ENPP1: variants seen among roughly 807,000 people sequenced by gnomAD.
The protein encoded by ENPP1 is ectonucleotide pyrophosphatase/phosphodiesterase family member 1.
Under a neutral mutation model 122.8 loss-of-function variants are expected in ENPP1, and 73 were observed. The observed-to-expected ratio is 0.59, with a 90% confidence interval of 0.49 to 0.72. The LOEUF (loss-of-function observed/expected upper bound fraction) is 0.72, where lower values mean the gene tolerates loss of function less well. Ranked by LOEUF, ENPP1 falls within the 30% of genes least tolerant of loss-of-function variation. The pLI, the probability that ENPP1 is intolerant of heterozygous loss-of-function variation, is 0.00. For missense variants in ENPP1, 978 were observed against 1,128.1 expected (o/e 0.87, Z 1.91); for synonymous variants, 367 against 391.6 (o/e 0.94, Z 0.74).
At chr6:131,811,786 C>T (rs575606018) in intron 1 of ENPP1, among the ~76,000 whole-genome samples, 24 of 152,296 alleles carry the variant, frequency 1.6e-4, no homozygotes, top group African/African-American at 5.8e-4. Context: ...GCATAGTTCG[C>T]ATATCTCAGA....
At position 131,894,904 on chromosome 6, in the gene ENPP1, G is replaced by C. The variant is rs534199146; in HGVS notation, c.*4393G>C. The C allele has an allele frequency of 6.6e-6, 1 of 152,302 alleles. No individual in the cohort carries two copies. Among genetic ancestry groups the C allele is most frequent in the Non-Finnish European group, 1.5e-5 (1 of 68,040 alleles). The allele number at this position is 152,302 out of a possible 1,614,324, so 9.4% of individuals were successfully genotyped here. ...ACTCTCCTTCTTTGCGCTATGGTAG[G>C]TGTTTACCCATCATAGGAATGGGCA... On this transcript the variant is annotated 3_prime_UTR_variant, in exon 25 of 25. Coordinates refer to ENST00000647893, the MANE Select transcript of ENPP1 (RefSeq NM_006208.3).
intron 17 of ENPP1, 28 bp from the exon 18 acceptor site, chr6:131,876,964 G>GTAAC (rs775230028): frequency 1.1e-5 from 17 of 1,610,214 alleles, no homozygotes; most frequent in Non-Finnish European, 1.4e-5. Context: ...AAACATCTAA[G>GTAAC]TAACTCTACC....
rs1782514701 is a variant in ENPP1, at chr6:131,894,268, CTG to C, written c.*3759_*3760del. The C allele has an allele frequency of 6.7e-6, 1 of 149,490 alleles. No individual in the cohort carries two copies. Among genetic ancestry groups the C allele is most frequent in the African/African-American group, 2.5e-5 (1 of 40,180 alleles). The allele number at this position is 149,490 out of a possible 1,614,324, so 9.3% of individuals were successfully genotyped here. On this transcript the variant is annotated 3_prime_UTR_variant, in exon 25 of 25. Transcript: ENST00000647893. ...TGCCTCCAGCCTATCCTGATTTCTA[CTG>C]TCATGCCTCACATCAGTCCTTTTTT... is the stretch of plus-strand genomic sequence containing the variant.
chr6:131,847,524 A>G (rs1257696332), intron 1 of ENPP1, among the ~76,000 whole-genome samples: 1 of 152,176 alleles, frequency 6.6e-6, no homozygotes, highest in African/African-American at 2.4e-5. Context: ...GCAATAAAAC[A>G]TTTGGAGAAA....
chr6:131,851,412 A>G, intron 4 of ENPP1, 145 bp downstream of exon 4: 4 of 997,510 alleles, frequency 4.0e-6, no homozygotes, highest in South Asian at 1.4e-5. Context: ...ACTTTTTATT[A>G]AAGAAACTTT....
intron 10 of ENPP1, 98 bp downstream of exon 10, chr6:131,864,669 A>C: frequency 1.1e-6 from 1 of 889,880 alleles, no homozygotes; most frequent in Non-Finnish European, 1.8e-6. Flanking sequence ...ATTTGCTATG[A>C]TGTTTTATAT....
intron 1 of ENPP1, among the ~76,000 whole-genome samples, chr6:131,839,938 TA>T (rs1379043244): frequency 1.3e-5 from 2 of 152,238 alleles, no homozygotes; most frequent in African/African-American, 2.4e-5. Context: ...TGTGTATGTC[TA>T]TTTTTTCTTA....
chr6:131,815,484 C>T (rs1484158448), intron 1 of ENPP1, among the ~76,000 whole-genome samples: 1 of 152,162 alleles, frequency 6.6e-6, no homozygotes, highest in East Asian at 1.9e-4. Context: ...CTCAGGGATA[C>T]GTAGCTACTG....
rs200362492 is a variant in ENPP1 at position 131,808,223 on chromosome 6, C to A, written c.188C>A (p.Ala63Glu). ...GTGGGGGAGGAGCCGCTGGAGAAGG[C>A]GGCGCGCGCCCGCACTGCCAAGGAC... ...MDVGEEPLEK[A>E]ARARTAKDPN... Residue 63 changes from alanine (A) to glutamate (E), a missense_variant, in exon 1 of 25, where the codon GCG becomes GAG. Ala to Glu is a moderately radical substitution (Grantham distance 107). Around this residue, in one of 3 missense-constraint regions of ENPP1, gnomAD observed 330 missense variants for 328.5 expected, o/e 1.00. Transcript: ENST00000647893. 1.3e-6 allele frequency: 2 copies of A among 1,514,530 alleles called. No homozygotes were observed. The highest frequency in any genetic ancestry group is 1.2e-5 in the South Asian group (1 of 80,064). 93.8% of individuals were successfully genotyped at this position (1,514,530 alleles called of 1,614,324 possible). A position where few individuals can be genotyped will look rare whatever the true frequency, so the allele number is the denominator to read the frequency against.
chr6:131,883,248 T>C (rs1782335267), intron 21 of ENPP1, among the ~76,000 whole-genome samples: 1 of 152,230 alleles, frequency 6.6e-6, no homozygotes, highest in Non-Finnish European at 1.5e-5. Flanking sequence ...GGTCCAAGCC[T>C]CAAATTCATA....
At chr6:131,849,248 G>A (rs1781851708) in intron 2 of ENPP1, among the ~76,000 whole-genome samples, 1 of 152,092 alleles carries the variant, frequency 6.6e-6, no homozygotes, top group African/African-American at 2.4e-5. Flanking sequence ...AGTATGCTGG[G>A]CAAAGCCAGA....
At position 131,847,861 on chromosome 6, in the gene ENPP1, G is replaced by T. The variant is rs748468831; in HGVS notation, c.313+13G>T. The T allele has an allele frequency of 2.8e-4, 296 of 1,067,128 alleles. 1 individual carries two copies. The African/African-American group carries it at 4.6e-3, about 17-fold the overall frequency. 66.1% of individuals were successfully genotyped at this position (1,067,128 alleles called of 1,614,324 possible). On this transcript the variant is annotated intron_variant, in intron 2 of 24. Transcript: ENST00000647893. ...TGTGCCAAAGAAGGTAATTAGGTGTGTGTGTGTGTGTGTGTGTGTGTGTGT... is the reference window on the plus strand; with the variant it reads ...TGTGCCAAAGAAGGTAATTAGGTGTTTGTGTGTGTGTGTGTGTGTGTGTGT...
intron 1 of ENPP1, chr6:131,826,621 T>C (rs1194981356): frequency 2.2e-6 from 2 of 910,522 alleles, no homozygotes; most frequent in Non-Finnish European, 3.5e-6. Context: ...GCTGATCAGT[T>C]CTAGGCTTTT....
rs1243628853 is a variant in ENPP1, at chr6:131,880,805, T to A, written c.2100+771T>A. On this transcript the variant is annotated intron_variant, in intron 20 of 24. Coordinates refer to ENST00000647893, the MANE Select transcript of ENPP1 (RefSeq NM_006208.3). ...CTCAGTAACATCATTGCACGTACCA[T>A]CTATAGGAAGACACGAGCCCAAACC... is the stretch of plus-strand genomic sequence containing the variant. Among the ~76,000 whole-genome samples the A allele has an allele frequency of 2.6e-5, 4 of 151,966 alleles. 1 individual carries two copies. The highest frequency in any genetic ancestry group is 2.0e-4 in the Admixed American group (3 of 15,248).
chr6:131,868,955 A>G (rs556792486), intron 12 of ENPP1, among the ~76,000 whole-genome samples: 6 of 152,278 alleles, frequency 3.9e-5, no homozygotes, highest in African/African-American at 1.2e-4. Flanking sequence ...TGTGTTTAGA[A>G]GCAGTCCTAA....
At chr6:131,872,416 T>C (rs1782173950) in intron 14 of ENPP1, among the ~76,000 whole-genome samples, 1 of 152,170 alleles carries the variant, frequency 6.6e-6, no homozygotes, top group Admixed American at 6.5e-5. Context: ...ATAAACACCA[T>C]TAGCGTTATG....
intron 9 of ENPP1, among the ~76,000 whole-genome samples, chr6:131,863,162 CA>C (rs1782044802): frequency 6.6e-6 from 1 of 152,158 alleles, no homozygotes; most frequent in South Asian, 2.1e-4. Flanking sequence ...AAAGAGGATA[CA>C]GATAGGAATG....
chr6:131,859,602 G>GGGGACTGAACCAAGT, intron 7 of ENPP1, among the ~76,000 whole-genome samples: 1 of 151,450 alleles, frequency 6.6e-6, no homozygotes, highest in Non-Finnish European at 1.5e-5. Flanking sequence ...CCGGACCTAG[G>GGGGACTGAACCAAGT]GGCGGATGGG....
intron 1 of ENPP1, among the ~76,000 whole-genome samples, chr6:131,809,118 G>A (rs1781317702): frequency 6.6e-6 from 1 of 152,124 alleles, no homozygotes. Flanking sequence ...CAACTCCCTT[G>A]TGCATTGCAT....
Sources: gnomAD v4.1 joint callset for allele counts (sites outside exome capture counted in the v4.1 genomes callset) on GRCh38, gnomAD v4.1.1 for gene constraint, gnomAD v4.1.1 regional missense constraint, MANE v1.5 for transcripts, NCBI Gene and HGNC (gene_info 2026-07-23, HGNC 2026-07-21) for gene names.